Variants in WWP2 observed in about 807,000 individuals in gnomAD.
WWP2 encodes the protein NEDD4-like E3 ubiquitin-protein ligase WWP2.
Under a neutral mutation model 121.0 loss-of-function variants are expected in WWP2, and 57 were observed. That is an observed-to-expected ratio of 0.47 (90% CI 0.38 to 0.59). WWP2 has a LOEUF of 0.59. Among genes scored for constraint, WWP2 ranks in the 20% least tolerant of loss-of-function variants. The probability of loss-of-function intolerance (pLI) is 0.00; values close to 1 mark genes in which losing one functional copy is unlikely to be tolerated. For synonymous variants in WWP2, 449 were observed against 441.3 expected (o/e 1.02, Z -0.22); for missense variants, 962 against 1,158.9 (o/e 0.83, Z 2.47).
chr16:69,789,396 C>G (rs1006680440), intron 2 of WWP2, among the ~76,000 whole-genome samples: 8 of 152,030 alleles, frequency 5.3e-5, no homozygotes, highest in Admixed American at 4.6e-4. Context: ...CGCCTGGCTA[C>G]TTTTTGTATA....
intron 1 of WWP2, among the ~76,000 whole-genome samples, chr16:69,762,593 C>T (rs1434182026): frequency 6.6e-6 from 1 of 151,254 alleles, no homozygotes; most frequent in African/African-American, 2.4e-5. Flanking sequence ...GGTGGGCGCG[C>T]CGCGGCCCGC....
rs540817634 is a variant in WWP2 at position 69,873,815 on chromosome 16, G to C, written c.703+1884G>C. 1.6e-4 allele frequency among the ~76,000 whole-genome samples: 25 copies of C among 152,258 alleles called. 1 individual carries two copies. The South Asian group carries it at 1.9e-3, about 11-fold the overall frequency. ...TGTGTTATTGAGATCATGGTTTCCC[G>C]CAGCTACCTCTGCTTTTCCTATAAA... On this transcript the variant is annotated intron_variant, in intron 7 of 23. Coordinates refer to ENST00000359154, the MANE Select transcript of WWP2 (RefSeq NM_001270454.2).
chr16:69,887,978 C>T, intron 7 of WWP2, 61 bp from the exon 8 acceptor site: 1 of 1,584,454 alleles, frequency 6.3e-7, no homozygotes, highest in East Asian at 2.2e-5. Flanking sequence ...AAAAACCTAG[C>T]AAGTATAAAT....
At chr16:69,826,185 T>C (rs1235657752) in intron 4 of WWP2, among the ~76,000 whole-genome samples, 1 of 150,722 alleles carries the variant, frequency 6.6e-6, no homozygotes, top group Admixed American at 6.6e-5. Flanking sequence ...GAGAATCGCT[T>C]GGACTGAGGA....
intron 6 of WWP2, among the ~76,000 whole-genome samples, chr16:69,867,073 T>C (rs2151910586): frequency 1.3e-5 from 2 of 151,804 alleles, no homozygotes; most frequent in African/African-American, 4.8e-5. Flanking sequence ...TGACCTCAGG[T>C]GATCCACCTG....
intron 4 of WWP2, among the ~76,000 whole-genome samples, chr16:69,806,655 G>C (rs992639143): frequency 1.3e-5 from 2 of 151,282 alleles, no homozygotes; most frequent in African/African-American, 4.9e-5. Context: ...ATTTTTTTCT[G>C]AGAAAATCGG....
intron 8 of WWP2, among the ~76,000 whole-genome samples, chr16:69,907,875 G>T (rs550171142): frequency 6.6e-6 from 1 of 152,310 alleles, no homozygotes; most frequent in African/African-American, 2.4e-5. Flanking sequence ...CTCTGTAAAT[G>T]AATCTTATAT....
At chr16:69,781,999 G>A (rs1411535122) in intron 1 of WWP2, among the ~76,000 whole-genome samples, 2 of 151,992 alleles carry the variant, frequency 1.3e-5, no homozygotes, top group African/African-American at 4.8e-5. Context: ...TTAAATTTTC[G>A]GAGCCGGGCG....
intron 4 of WWP2, among the ~76,000 whole-genome samples, chr16:69,816,527 C>G (rs1257579120): frequency 6.7e-6 from 1 of 149,214 alleles, no homozygotes; most frequent in East Asian, 1.9e-4. Flanking sequence ...CTTGAGCAAG[C>G]TAATAAAATA....
chr16:69,936,677 G>C (rs1166299227), intron 19 of WWP2: 37 of 602,566 alleles, frequency 6.1e-5, no homozygotes, highest in Non-Finnish European at 9.2e-5. Context: ...CGCCATGTGG[G>C]AGACTTCAAG....
chr16:69,888,308 CG>C (rs1387664957), intron 8 of WWP2, 59 bp downstream of exon 8: 3 of 1,546,370 alleles, frequency 1.9e-6, no homozygotes, highest in African/African-American at 1.4e-5. Context: ...GGCTCCTTTA[CG>C]GGGGTGGAAA....
At chr16:69,897,352 C>T (rs2058121357) in intron 8 of WWP2, among the ~76,000 whole-genome samples, 1 of 152,140 alleles carries the variant, frequency 6.6e-6, no homozygotes, top group Non-Finnish European at 1.5e-5. Context: ...ATCTGCTCCC[C>T]TAAACTTCCC....
At chr16:69,860,738 A>T (rs1230403245) in intron 6 of WWP2, among the ~76,000 whole-genome samples, 3 of 151,990 alleles carry the variant, frequency 2.0e-5, no homozygotes, top group African/African-American at 7.2e-5. Context: ...TACCCAGCTC[A>T]TGCCTCTAAT....
intron 7 of WWP2, among the ~76,000 whole-genome samples, chr16:69,872,279 T>C (rs3790078): frequency 0.68 from 102,843 of 151,606 alleles, 36,559 homozygotes; most frequent in East Asian, 0.9. Context: ...TGCAGTGGCG[T>C]GATCTCGGCT....
chr16:69,896,181 G>T (rs963716457), intron 8 of WWP2, among the ~76,000 whole-genome samples: 1 of 152,096 alleles, frequency 6.6e-6, no homozygotes, highest in African/African-American at 2.4e-5. Flanking sequence ...GAGTATAGTG[G>T]CGTGATCATA....
intron 6 of WWP2, among the ~76,000 whole-genome samples, chr16:69,866,625 A>G (rs977406396): frequency 1.3e-5 from 2 of 152,074 alleles, no homozygotes; most frequent in African/African-American, 4.8e-5. Flanking sequence ...TCCATGTGGT[A>G]GCCTGTGTCA....
intron 2 of WWP2, among the ~76,000 whole-genome samples, chr16:69,788,608 T>TTCCTGATC (rs1409187882): frequency 6.6e-5 from 10 of 152,196 alleles, no homozygotes; most frequent in African/African-American, 2.2e-4. Context: ...AGCCACCCTC[T>TTCCTGATC]TCCTGATCCC....
chr16:69,876,477 G>A (rs953482597), intron 7 of WWP2, among the ~76,000 whole-genome samples: 1 of 151,392 alleles, frequency 6.6e-6, no homozygotes, highest in Non-Finnish European at 1.5e-5. Context: ...TGATTCTTGT[G>A]CCTCAGCCTC....
chr16:69,863,670 A>G (rs2057468117), intron 6 of WWP2, among the ~76,000 whole-genome samples: 1 of 152,112 alleles, frequency 6.6e-6, no homozygotes, highest in South Asian at 2.1e-4. Flanking sequence ...AACAAACAAA[A>G]GATACAGAAA....
Sources: allele counts gnomAD v4.1 joint callset (sites outside exome capture counted in the v4.1 genomes callset), GRCh38; gene constraint gnomAD v4.1.1; transcripts MANE v1.5; gene names NCBI Gene and HGNC (gene_info 2026-07-23, HGNC 2026-07-21).